SORCS1: variants seen among roughly 807,000 people sequenced by gnomAD.
SORCS1 encodes the protein sortilin related VPS10 domain containing receptor 1.
Under a neutral mutation model 146.1 loss-of-function variants are expected in SORCS1, and 60 were observed. The observed-to-expected ratio is 0.41, with a 90% CI of 0.33 to 0.51. The LOEUF is 0.51. Among genes scored for constraint, SORCS1 ranks in the 20% least tolerant of loss-of-function variants. SORCS1 has a pLI of 0.21. For missense variants in SORCS1, 1,352 were observed against 1,487.6 expected, an observed-to-expected ratio of 0.91 and a Z score of 1.50; for synonymous variants, 637 against 584.0, an observed-to-expected ratio of 1.09 and a Z score of -1.31.
intron 18 of SORCS1, among the ~76,000 whole-genome samples, chr10:106,634,743 T>C (rs1425642964): frequency 6.6e-6 from 1 of 152,228 alleles, no homozygotes; most frequent in African/African-American, 2.4e-5. Context: ...AGTAAGACAG[T>C]ATCATGTTTA....
chr10:106,851,914 C>T (rs552556805), intron 2 of SORCS1, among the ~76,000 whole-genome samples: 20 of 152,114 alleles, frequency 1.3e-4, no homozygotes, highest in African/African-American at 4.8e-4. Flanking sequence ...ATCTTGTGTG[C>T]GTATGTTGTT....
At chr10:106,867,297 T>TG (rs990583778) in intron 2 of SORCS1, among the ~76,000 whole-genome samples, 16 of 151,602 alleles carry the variant, frequency 1.1e-4, no homozygotes, top group South Asian at 8.4e-4. Flanking sequence ...ATTTTTTTTT[T>TG]TTTTTGAAAC....
intron 23 of SORCS1, among the ~76,000 whole-genome samples, chr10:106,598,703 C>G (rs563282762): frequency 6.7e-6 from 1 of 150,178 alleles, no homozygotes; most frequent in Non-Finnish European, 1.5e-5. Flanking sequence ...TTTTTTTTTC[C>G]TTTTCTATTT....
rs114940873 is a variant in SORCS1, at chr10:106,871,239, T to C, written c.627-41566A>G. Reference sequence around the variant, plus strand: ...TGTTGCAAAGACAAGGGAACACTTATACACTATTGGTGGGAGTGTAAACTA... The same window carrying C: ...TGTTGCAAAGACAAGGGAACACTTACACACTATTGGTGGGAGTGTAAACTA... On this transcript the variant is annotated intron_variant, in intron 2 of 25. Transcript: ENST00000263054. 1.6e-3 allele frequency among the ~76,000 whole-genome samples: 246 copies of C among 152,330 alleles called. 1 individual carries two copies. Among genetic ancestry groups the C allele is most frequent in the African/African-American group, 5.0e-3 (208 of 41,588 alleles).
At chr10:106,765,182 G>C (rs1227398666) in intron 4 of SORCS1, among the ~76,000 whole-genome samples, 1 of 152,154 alleles carries the variant, frequency 6.6e-6, no homozygotes, top group Non-Finnish European at 1.5e-5. Flanking sequence ...AATCCTTTCT[G>C]TGTAAAATCA....
intron 9 of SORCS1, among the ~76,000 whole-genome samples, chr10:106,695,170 A>T (rs570799429): frequency 7.2e-5 from 11 of 152,300 alleles, no homozygotes; most frequent in Non-Finnish European, 1.6e-4. Flanking sequence ...TTCTTACACA[A>T]ATACATCCAC....
At chr10:106,610,805 G>T (rs529559743) in intron 22 of SORCS1, among the ~76,000 whole-genome samples, 2 of 152,162 alleles carry the variant, frequency 1.3e-5, no homozygotes, top group African/African-American at 4.8e-5. Context: ...AGGGGCCGAC[G>T]CAGTGGCTCA....
At chr10:107,109,974 A>G (rs1965582644) in intron 1 of SORCS1, among the ~76,000 whole-genome samples, 1 of 152,188 alleles carries the variant, frequency 6.6e-6, no homozygotes, top group Admixed American at 6.5e-5. Context: ...TAGGACATAG[A>G]TCACAATACA....
At chr10:106,607,544 G>A (rs7082997) in intron 22 of SORCS1, among the ~76,000 whole-genome samples, 2,741 of 152,326 alleles carry the variant, frequency 0.018, 92 homozygotes, top group African/African-American at 0.063. Flanking sequence ...CTCATTGCTT[G>A]TGTTCTCTAT....
intron 1 of SORCS1, among the ~76,000 whole-genome samples, chr10:106,984,251 A>C (rs982348047): frequency 4.6e-5 from 7 of 152,150 alleles, no homozygotes; most frequent in African/African-American, 1.7e-4. Context: ...TGATTAGTTT[A>C]TATTTTTTAC....
intron 18 of SORCS1, among the ~76,000 whole-genome samples, chr10:106,647,003 A>ATG (rs200695027): frequency 3.6e-4 from 12 of 32,936 alleles, no homozygotes; most frequent in East Asian, 4.5e-3. Context: ...GTGTGTTTGT[A>ATG]TGTGTATATA....
chr10:106,575,800 A>C lies in SORCS1; in HGVS notation c.*1620T>G, dbSNP rs193288492. 9 of 152,710 alleles carry C rather than the reference A, an allele frequency of 5.9e-5. No homozygotes were observed. The highest frequency in any genetic ancestry group is 3.3e-4 in the Admixed American group (5 of 15,304). The allele number at this position is 152,710 out of a possible 1,614,324, so 9.5% of individuals were successfully genotyped here. On this transcript the variant is annotated 3_prime_UTR_variant, in exon 26 of 26. Coordinates refer to ENST00000263054, the MANE Select transcript of SORCS1 (RefSeq NM_052918.5). ...CATTTATTCTCTCAGACTGTTTGAC[A>C]CTCTTAAACACAAAGTCCATTAACC...
chr10:106,962,394 CAAAAA>C (rs60616146), intron 1 of SORCS1, among the ~76,000 whole-genome samples: 18 of 62,592 alleles, frequency 2.9e-4, no homozygotes, highest in African/African-American at 9.1e-4. Flanking sequence ...AACTCCATCT[CAAAAA>C]AAAAAAAAAA....
At chr10:106,861,766 G>C (rs1387806671) in intron 2 of SORCS1, among the ~76,000 whole-genome samples, 2 of 152,060 alleles carry the variant, frequency 1.3e-5, no homozygotes, top group Admixed American at 1.3e-4. Flanking sequence ...GCATGCACCT[G>C]TAGTCCCAGC....
At chr10:107,116,558 G>C (rs1310875479) in intron 1 of SORCS1, among the ~76,000 whole-genome samples, 1 of 152,084 alleles carries the variant, frequency 6.6e-6, no homozygotes, top group East Asian at 1.9e-4. Flanking sequence ...GCTAAGTGAA[G>C]TAAGCCAGAC....
chr10:106,984,898 G>A (rs1274763089), intron 1 of SORCS1, among the ~76,000 whole-genome samples: 1 of 151,920 alleles, frequency 6.6e-6, no homozygotes, highest in Non-Finnish European at 1.5e-5. Context: ...AAAAATATAG[G>A]GCAAGCAGGC....
chr10:106,800,851 G>A (rs1946833331), intron 3 of SORCS1, among the ~76,000 whole-genome samples: 1 of 152,080 alleles, frequency 6.6e-6, no homozygotes. Context: ...AGTTCCAGGT[G>A]AATCTTAAAA....
chr10:107,144,846 C>G (rs1968170010), intron 1 of SORCS1, among the ~76,000 whole-genome samples: 1 of 152,224 alleles, frequency 6.6e-6, no homozygotes, highest in Admixed American at 6.5e-5. Flanking sequence ...ATTTTGCATT[C>G]CGTCACTTGC....
intron 8 of SORCS1, among the ~76,000 whole-genome samples, chr10:106,701,783 C>T (rs144586421): frequency 2.4e-3 from 366 of 152,326 alleles, no homozygotes; most frequent in African/African-American, 8.0e-3. Context: ...GTGAATGAAA[C>T]TCTGTGTCTC....
Sources: gnomAD v4.1 joint callset for allele counts (sites outside exome capture counted in the v4.1 genomes callset) on GRCh38, gnomAD v4.1.1 for gene constraint, MANE v1.5 for transcripts, NCBI Gene and HGNC (gene_info 2026-07-23, HGNC 2026-07-21) for gene names.